The following YY1 variants were observed in gnomAD, a reference collection of about 807,000 sequenced individuals.
YY1 encodes YY1 transcription factor.
In YY1, 2 loss-of-function variants were observed where a neutral mutation model predicts 35.6. That is an observed-to-expected ratio of 0.06 (90% CI 0.02 to 0.18). The LOEUF (loss-of-function observed/expected upper bound fraction) is 0.18, where lower values mean the gene tolerates loss of function less well. Among genes scored for constraint, YY1 ranks in the 10% least tolerant of loss-of-function variants. The probability of loss-of-function intolerance (pLI) is 1.00; values close to 1 mark genes in which losing one functional copy is unlikely to be tolerated. For synonymous variants in YY1, 268 were observed against 238.9 expected (o/e 1.12, Z -1.12); for missense variants, 322 against 573.4 (o/e 0.56, Z 4.48).
At chr14:100,260,814 G>T (rs1891075965) in intron 1 of YY1, among the ~76,000 whole-genome samples, 1 of 86,704 alleles carries the variant, frequency 1.2e-5, no homozygotes, top group Non-Finnish European at 2.1e-5. Context: ...TTTTTTTGGA[G>T]GCAGAGTCTT....
chr14:100,248,242 G>C (rs918455777), intron 1 of YY1, among the ~76,000 whole-genome samples: 3 of 149,308 alleles, frequency 2.0e-5, no homozygotes, highest in African/African-American at 7.4e-5. Context: ...CAGCCTCCCA[G>C]GTAGCTGGGA....
chr14:100,274,422 GC>G (rs1250190995), intron 2 of YY1, among the ~76,000 whole-genome samples: 7 of 152,238 alleles, frequency 4.6e-5, no homozygotes, highest in African/African-American at 1.4e-4. Flanking sequence ...AGATCATAGT[GC>G]CATTCTAAGC....
chr14:100,240,044 A>C, intron 1 of YY1, 121 bp downstream of exon 1: 6 of 790,914 alleles, frequency 7.6e-6, no homozygotes, highest in Non-Finnish European at 1.0e-5. Context: ...GCCCCAAAAG[A>C]TGGCGGGCCG....
chr14:100,262,934 A>C (rs1385933803), intron 2 of YY1, among the ~76,000 whole-genome samples: 1 of 150,364 alleles, frequency 6.7e-6, no homozygotes, highest in African/African-American at 2.5e-5. Context: ...TTGAGACAAG[A>C]GTCTTGCTTG....
At chr14:100,252,863 C>A (rs891080496) in intron 1 of YY1, among the ~76,000 whole-genome samples, 1 of 151,952 alleles carries the variant, frequency 6.6e-6, no homozygotes, top group Admixed American at 6.6e-5. Flanking sequence ...CATAGTGAGA[C>A]CCCATCTCTA....
At position 100,276,905 on chromosome 14, in the gene YY1, G is replaced by A; in HGVS notation, c.1062+257G>A. The A allele has an allele frequency of 3.7e-6, 2 of 535,594 alleles. No individual in the cohort carries two copies. The highest frequency in any genetic ancestry group is 4.2e-5 in the South Asian group (2 of 47,306). The allele number at this position is 535,594 out of a possible 1,614,324, so 33.2% of individuals were successfully genotyped here. A position where few individuals can be genotyped will look rare whatever the true frequency, so the allele number is the denominator to read the frequency against. On this transcript the variant is annotated intron_variant, in intron 4 of 4. Coordinates refer to ENST00000262238, the MANE Select transcript of YY1 (RefSeq NM_003403.5). The surrounding 1 kb of genome is among the most constrained non-coding windows in gnomAD (Gnocchi z 4.1). ...TACACTTTATGGCAGGAGGAGAACA[G>A]GATTGAAGAGCATACCTAAAACTCA...
At chr14:100,253,824 A>T (rs1890960731) in intron 1 of YY1, among the ~76,000 whole-genome samples, 2 of 151,648 alleles carry the variant, frequency 1.3e-5, no homozygotes, top group East Asian at 1.9e-4. Context: ...TATTATTATT[A>T]TTTTTTATAA....
intron 1 of YY1, among the ~76,000 whole-genome samples, chr14:100,251,773 C>A (rs1341317472): frequency 6.6e-6 from 1 of 152,168 alleles, no homozygotes; most frequent in African/African-American, 2.4e-5. Flanking sequence ...CTCCCCTCCC[C>A]TCCCTTTGCT....
chr14:100,276,535 C>G lies in YY1; in HGVS notation c.949C>G (p.Leu317Val). The change falls in exon 4 of 5, where the codon CTG becomes GTG. Residue 317 changes from leucine to valine, a missense_variant. Physicochemically the swap from Leu to Val is conservative, Grantham distance 32. Coordinates refer to ENST00000262238, the MANE Select transcript of YY1 (RefSeq NM_003403.5). This position sits in a 1 kb window ranked among gnomAD's most constrained non-coding sequence, Gnocchi z 4.1. ...FRDNSAMRKH[L>V]HTHGPRVHVC... ...GGATAACTCGGCCATGAGAAAACATCTGCACACCCACGGTCCCAGAGTCCA... is the reference window on the plus strand; with the variant it reads ...GGATAACTCGGCCATGAGAAAACATGTGCACACCCACGGTCCCAGAGTCCA... The G allele has an allele frequency of 6.2e-7, 1 of 1,614,260 alleles. No homozygotes were observed. The highest frequency in any genetic ancestry group is 8.5e-7 in the Non-Finnish European group (1 of 1,180,054).
chr14:100,239,767 G>T lies in YY1; in HGVS notation c.523G>T (p.Gly175Cys). The change falls in exon 1 of 5, where the codon GGC becomes TGC. Residue 175 changes from glycine (G) to cysteine (C), a missense_variant. By Grantham distance (159) the Gly-to-Cys change is radical (BLOSUM62 -3). Transcript: ENST00000262238. ...GTCGGGAGGCGGCCGCGTCAAGAAG[G>T]GCGGCGGCAAGAAGAGCGGCAAGAA... is the stretch of plus-strand genomic sequence containing the variant. The part of the protein sequence containing the change: ...SSSGGGRVKK[G>C]GGKKSGKKSY... 1 of 1,577,356 alleles carries T rather than the reference G, an allele frequency of 6.3e-7. No homozygotes were observed. The highest frequency in any genetic ancestry group is 8.6e-7 in the Non-Finnish European group (1 of 1,165,142).
At chr14:100,252,551 GT>G (rs1890939433) in intron 1 of YY1, among the ~76,000 whole-genome samples, 1 of 152,188 alleles carries the variant, frequency 6.6e-6, no homozygotes, top group Admixed American at 6.5e-5. Context: ...AGTGAGCACT[GT>G]AGTCACCTAA....
At chr14:100,250,300 A>G (rs1890904815) in intron 1 of YY1, among the ~76,000 whole-genome samples, 1 of 152,220 alleles carries the variant, frequency 6.6e-6, no homozygotes, top group Non-Finnish European at 1.5e-5. Flanking sequence ...TAAGCAGTGA[A>G]TCGCAAATGT....
chr14:100,279,172 CTT>C lies in YY1; in HGVS notation c.*1574_*1575del, dbSNP rs1165632129. On this transcript the variant is annotated 3_prime_UTR_variant, in exon 5 of 5. Coordinates refer to ENST00000262238, the MANE Select transcript of YY1 (RefSeq NM_003403.5). ...AGGTCAAATAACAGACTTGAGAATACTTTATAAACTGCCATGATACAGCAAAA... is the reference window on the plus strand; with the variant it reads ...AGGTCAAATAACAGACTTGAGAATACTATAAACTGCCATGATACAGCAAAA... The C allele has an allele frequency of 1.3e-5, 2 of 152,186 alleles. No homozygotes were observed. The highest frequency in any genetic ancestry group is 2.4e-5 in the African/African-American group (1 of 41,446). 9.4% of individuals were successfully genotyped at this position (152,186 alleles called of 1,614,324 possible).
chr14:100,275,847 C>T (rs548885497), intron 3 of YY1: 28 of 155,714 alleles, frequency 1.8e-4, no homozygotes, highest in Admixed American at 1.2e-3. Flanking sequence ...GCTTCTCGAG[C>T]GCCACACATC....
At chr14:100,249,367 T>C (rs1890887760) in intron 1 of YY1, among the ~76,000 whole-genome samples, 1 of 151,986 alleles carries the variant, frequency 6.6e-6, no homozygotes, top group Admixed American at 6.6e-5. Context: ...GTGATCTGCC[T>C]GCCTCAGCCT....
intron 2 of YY1, among the ~76,000 whole-genome samples, chr14:100,263,036 TAGCTGGG>T (rs1274223409): frequency 6.6e-5 from 10 of 152,210 alleles, no homozygotes; most frequent in Admixed American, 6.5e-4. Context: ...GCCTCCCAAG[TAGCTGGG>T]ATTACATGCG....
chr14:100,240,287 C>A (rs1459279516), intron 1 of YY1, among the ~76,000 whole-genome samples: 1 of 146,280 alleles, frequency 6.8e-6, no homozygotes, highest in Non-Finnish European at 1.5e-5. Flanking sequence ...CCCGTTGTGG[C>A]GGCAGCTGCG....
intron 1 of YY1, among the ~76,000 whole-genome samples, chr14:100,249,206 C>G (rs150587413): frequency 7.2e-6 from 1 of 139,080 alleles, no homozygotes; most frequent in African/African-American, 2.7e-5. Flanking sequence ...CTGCAACCTT[C>G]ACCTCCTGGG....
At position 100,260,353 on chromosome 14, in the gene YY1, C is replaced by A. The variant is rs138114812; in HGVS notation, c.680-1951C>A. 2.1e-3 allele frequency among the ~76,000 whole-genome samples: 311 copies of A among 149,124 alleles called. 1 individual carries two copies. Among genetic ancestry groups the A allele is most frequent in the African/African-American group, 7.4e-3 (300 of 40,410 alleles). On this transcript the variant is annotated intron_variant, in intron 1 of 4. Coordinates refer to ENST00000262238, the MANE Select transcript of YY1 (RefSeq NM_003403.5). ...AGCCACTGTGGCCTGGCCGAGAGAT[C>A]TTTTAAAGGGGATCAATAGGATTTG... is the stretch of plus-strand genomic sequence containing the variant.
Sources: gnomAD v4.1 joint callset for allele counts (sites outside exome capture counted in the v4.1 genomes callset) on GRCh38, gnomAD v4.1.1 for gene constraint, Gnocchi (gnomAD v3.1) non-coding constraint, MANE v1.5 for transcripts, NCBI Gene and HGNC (gene_info 2026-07-23, HGNC 2026-07-21) for gene names.